WDR74: variants seen among roughly 807,000 people sequenced by gnomAD.
WDR74 encodes WD repeat domain 74.
Under a neutral mutation model 45.6 loss-of-function variants are expected in WDR74, and 31 were observed. The ratio of observed to expected loss-of-function variants is 0.68; its 90% CI spans 0.51 to 0.92. The LOEUF (loss-of-function observed/expected upper bound fraction) is 0.92. WDR74 is among the 40% of genes least tolerant of loss of function. The pLI is 0.00. For synonymous variants in WDR74, 191 were observed against 192.4 expected (o/e 0.99, Z 0.06); for missense variants, 455 against 497.2 (o/e 0.92, Z 0.81).
rs60799389 is a variant in WDR74 at position 62,839,308 on chromosome 11, C to T, written c.171+14G>A. The T allele has an allele frequency of 6.8e-6, 11 of 1,610,534 alleles. No homozygotes were observed. Among genetic ancestry groups the T allele is most frequent in the African/African-American group, 1.3e-5 (1 of 75,052 alleles). On this transcript the variant is annotated intron_variant, in intron 2 of 10. Transcript: ENST00000278856. ...CCCAGGCCCCCAGCTCCGGCCCGAC[C>T]AGGGGCCACTCACCTGGGTCTCGCC...
chr11:62,833,296 TA>T (rs1048706100), intron 10 of WDR74, among the ~76,000 whole-genome samples, 165 bp from the exon 11 acceptor site: 2,118 of 50,878 alleles, frequency 0.042, 27 homozygotes, highest in African/African-American at 0.1. Flanking sequence ...AAAAGAAGTT[TA>T]AAAAAAAAAA....
upstream of WDR74, chr11:62,841,758 C>G (rs562309427): frequency 3.3e-5 from 5 of 152,328 alleles, no homozygotes; most frequent in African/African-American, 7.2e-5. Flanking sequence ...AGATATTAAA[C>G]TGATAAGAAC....
At position 62,833,612 on chromosome 11, in the gene WDR74, G is replaced by C; in HGVS notation, c.978+6C>G. ...GGCTCCCACATTCCCGGGCCCAACTGCTCACCTCCCAGTTGTCCCTGCCTG... is the reference window on the plus strand; with the variant it reads ...GGCTCCCACATTCCCGGGCCCAACTCCTCACCTCCCAGTTGTCCCTGCCTG... On this transcript the variant is annotated splice_donor_region_variant and intron_variant, in intron 10 of 10. Coordinates refer to ENST00000278856, the MANE Select transcript of WDR74 (RefSeq NM_001369450.1). 1 of 1,551,836 alleles carries C rather than the reference G, an allele frequency of 6.4e-7. No homozygotes were observed. Among genetic ancestry groups the C allele is most frequent in the African/African-American group, 1.4e-5 (1 of 73,164 alleles).
At chr11:62,834,131 T>C in intron 8 of WDR74, 145 bp downstream of exon 8, 3 of 1,460,962 alleles carry the variant, frequency 2.1e-6, no homozygotes, top group Non-Finnish European at 2.8e-6. Flanking sequence ...TTTAAGGTCA[T>C]ACAGCTTTTA....
chr11:62,839,713 G>GA, upstream of WDR74: 1 of 1,058,794 alleles, frequency 9.4e-7, no homozygotes, highest in Non-Finnish European at 1.3e-6. Context: ...TTTGCTTTAC[G>GA]AAAATGAAAC....
upstream of WDR74, chr11:62,841,758 C>CTGAT (rs1565226358): frequency 6.6e-6 from 1 of 152,210 alleles, no homozygotes; most frequent in African/African-American, 2.4e-5. Flanking sequence ...AGATATTAAA[C>CTGAT]TGATAAGAAC....
intron 3 of WDR74, chr11:62,836,326 G>A (rs554532647): frequency 1.5e-4 from 57 of 369,908 alleles, no homozygotes; most frequent in South Asian, 5.8e-4. Context: ...AAATAGAAGC[G>A]CTGAGAAACT....
Position 62,835,695 on chromosome 11 carries a change from G to A in WDR74, c.516C>T (p.Asn172=), listed in dbSNP as rs186575796. 32 of 1,613,848 alleles carry A rather than the reference G, an allele frequency of 2.0e-5. No homozygotes were observed. In the East Asian group the frequency reaches 6.2e-4, roughly 31 times the overall value. The part of the protein sequence containing the change: ...GSEEPVFRAK[N]VRNDWLDLRV... ...GCTCCTTCACACTCTTGTCACTCAC[G>A]TTCTTGGCCCTGAACACAGGTTCCT... The change falls in exon 5 of 11, where the codon AAC becomes AAT. Residue 172 remains asparagine, a splice_region_variant and synonymous_variant. Coordinates refer to ENST00000278856, the MANE Select transcript of WDR74 (RefSeq NM_001369450.1).
intron 3 of WDR74, among the ~76,000 whole-genome samples, chr11:62,838,672 C>G (rs1200277552): frequency 6.6e-6 from 1 of 151,434 alleles, no homozygotes; most frequent in East Asian, 2.0e-4. Flanking sequence ...GCAGGAGTAT[C>G]GCTTGAACCC....
chr11:62,833,415 GCT>G, intron 10 of WDR74: 1 of 697,082 alleles, frequency 1.4e-6, no homozygotes, highest in South Asian at 2.0e-5. Flanking sequence ...TTTATTCCCT[GCT>G]CCTAGAAAGC....
chr11:62,834,382 C>T (rs755043710), intron 7 of WDR74, 45 bp downstream of exon 7: 2 of 1,612,020 alleles, frequency 1.2e-6, no homozygotes, highest in Non-Finnish European at 1.7e-6. Flanking sequence ...TCCTGGAGCC[C>T]TTCTCAAGCC....
In WDR74 at chr11:62,835,501, G is replaced by A. The variant is rs1425047655; in HGVS notation, c.548C>T (p.Pro183Leu). The change falls in exon 6 of 11, where the codon CCC (proline) becomes CTC (leucine). Residue 183 changes from proline (P) to leucine (L), a missense_variant. Coordinates refer to ENST00000278856, the MANE Select transcript of WDR74 (RefSeq NM_001369450.1). ...VRNDWLDLRV[P>L]IWDQDIQFLP... ...AAACTGTATGTCCTGGTCCCAGATG[G>A]GAACCCGCAAGTCCAGCCAGTCATT... 6.2e-7 allele frequency: 1 copy of A among 1,613,926 alleles called. No individual in the cohort carries two copies. Among genetic ancestry groups the A allele is most frequent in the East Asian group, 2.2e-5 (1 of 44,862 alleles).
In WDR74 at chr11:62,834,336, G is replaced by C; in HGVS notation, c.720-5C>G. ...GTGTTTCCCACAATCACTGAGCTGAGGATGAGACCAGAGGCAAGTGGGATC... is the reference window on the plus strand; with the variant it reads ...GTGTTTCCCACAATCACTGAGCTGACGATGAGACCAGAGGCAAGTGGGATC... On this transcript the variant is annotated splice_polypyrimidine_tract_variant and splice_region_variant and intron_variant, in intron 7 of 10. Coordinates refer to ENST00000278856, the MANE Select transcript of WDR74 (RefSeq NM_001369450.1). 6.2e-7 allele frequency: 1 copy of C among 1,613,860 alleles called. No individual in the cohort carries two copies. Among genetic ancestry groups the C allele is most frequent in the East Asian group, 2.2e-5 (1 of 44,884 alleles).
upstream of WDR74, among the ~76,000 whole-genome samples, chr11:62,840,967 G>C (rs1254891793): frequency 6.7e-6 from 1 of 148,814 alleles, no homozygotes; most frequent in Non-Finnish European, 1.5e-5. Flanking sequence ...GGCGGATCAC[G>C]AGCTCAGGAG....
chr11:62,841,223 A>G (rs945844902), upstream of WDR74, among the ~76,000 whole-genome samples: 1 of 152,208 alleles, frequency 6.6e-6, no homozygotes, highest in Admixed American at 6.5e-5. Context: ...AGGCTGATGC[A>G]GGAGAATCGC....
rs1241671368 is a variant in WDR74, at chr11:62,839,531, C to A, written c.40G>T (p.Gly14Cys). ...CCTTTCAAGATCCCAGTCTCGGTGC[C>A]GACCCACACATGGTTCCAGCGTGCA... ...AAARWNHVWVGTETGILKGVN... is the reference protein window; with the variant it reads ...AAARWNHVWVCTETGILKGVN... The change falls in exon 1 of 11, where the codon GGC becomes TGC. Residue 14 changes from glycine (G) to cysteine (C), a missense_variant. Physicochemically the swap from Gly to Cys is radical, Grantham distance 159. Transcript: ENST00000278856. 6 of 1,613,420 alleles carry A rather than the reference C, an allele frequency of 3.7e-6. No homozygotes were observed.
At position 62,839,119 on chromosome 11, in the gene WDR74, G is replaced by A. The variant is rs1170734488; in HGVS notation, c.288C>T (p.Ala96=). 1.9e-6 allele frequency: 3 copies of A among 1,613,254 alleles called. No individual in the cohort carries two copies. Among genetic ancestry groups the A allele is most frequent in the South Asian group, 2.2e-5 (2 of 91,054 alleles). ...AGCGAGGGGATTGGTCTTACCCGTC[G>A]GCCTGGGCGAGGCCACGGAACATGC... The part of the protein sequence containing the change: ...GEGMFRGLAQ[A]DGTLITCVDS... Residue 96 remains alanine, a synonymous_variant, in exon 3 of 11, where the codon GCC becomes GCT. Coordinates refer to ENST00000278856, the MANE Select transcript of WDR74 (RefSeq NM_001369450.1).
chr11:62,834,792 G>A (rs2084934245), intron 6 of WDR74: 1 of 463,008 alleles, frequency 2.2e-6, no homozygotes, highest in Admixed American at 3.8e-5. Flanking sequence ...CCATCTAGGG[G>A]AAATGGAGGG....
upstream of WDR74, chr11:62,841,781 T>TA (rs1373391643): frequency 6.6e-6 from 1 of 152,252 alleles, no homozygotes; most frequent in Non-Finnish European, 1.5e-5. Context: ...ATACTACACT[T>TA]GATCTTAGCC....
Sources: gnomAD v4.1 joint callset for allele counts (sites outside exome capture counted in the v4.1 genomes callset) on GRCh38, gnomAD v4.1.1 for gene constraint, MANE v1.5 for transcripts, NCBI Gene and HGNC (gene_info 2026-07-23, HGNC 2026-07-21) for gene names.